EMC8: variants seen among roughly 807,000 people sequenced by gnomAD.
EMC8 encodes the protein ER membrane protein complex subunit 8, also known as COX4 neighbor.
A neutral mutation model predicts 24.3 loss-of-function variants in EMC8; 11 were observed. The ratio of observed to expected loss-of-function variants is 0.45; its 90% confidence interval spans 0.28 to 0.75. EMC8 has a LOEUF of 0.75. EMC8 is among the 30% of genes least tolerant of loss of function. The pLI, the probability that EMC8 is intolerant of heterozygous loss-of-function variation, is 0.12. For synonymous variants in EMC8, 145 were observed against 117.7 expected (o/e 1.23, Z -1.50); for missense variants, 277 against 282.7 (o/e 0.98, Z 0.14).
Position 85,779,692 on chromosome 16 carries a change from T to C in EMC8, c.*16A>G. 6.2e-7 allele frequency: 1 copy of C among 1,612,688 alleles called. No individual in the cohort carries two copies. Among genetic ancestry groups the C allele is most frequent in the South Asian group, 1.1e-5 (1 of 91,056 alleles). Reference sequence around the variant, plus strand: ...CGTAGTGGAAAGGCCCGGAGCCCAGTCACAGCGGTGCCTGCCTAGCACAAG... The same window carrying C: ...CGTAGTGGAAAGGCCCGGAGCCCAGCCACAGCGGTGCCTGCCTAGCACAAG... On this transcript the variant is annotated 3_prime_UTR_variant, in exon 5 of 5. Transcript: ENST00000253457.
At chr16:85,786,206 G>A (rs939171468) in intron 2 of EMC8, among the ~76,000 whole-genome samples, 4 of 152,216 alleles carry the variant, frequency 2.6e-5, no homozygotes, top group African/African-American at 9.7e-5. Context: ...GCCCAAGGAG[G>A]TTAATCAGTA....
chr16:85,798,549 G>A (rs1318899421), intron 1 of EMC8: 1 of 153,712 alleles, frequency 6.5e-6, no homozygotes, highest in African/African-American at 2.4e-5. Flanking sequence ...GGCCTAAGAT[G>A]CATCACACAG....
intron 1 of EMC8, among the ~76,000 whole-genome samples, chr16:85,791,845 C>T (rs1218066449): frequency 2.0e-5 from 3 of 152,186 alleles, no homozygotes; most frequent in Non-Finnish European, 4.4e-5. Flanking sequence ...ATGAGGCACA[C>T]CCAGGTAATC....
At chr16:85,783,645 G>A (rs191819401) in intron 2 of EMC8, among the ~76,000 whole-genome samples, 3 of 152,270 alleles carry the variant, frequency 2.0e-5, no homozygotes, top group Non-Finnish European at 2.9e-5. Flanking sequence ...GAGCTACCGT[G>A]TGCAGCCACA....
intron 1 of EMC8, among the ~76,000 whole-genome samples, chr16:85,790,092 T>A (rs1325648113): frequency 6.6e-6 from 1 of 151,970 alleles, no homozygotes; most frequent in Non-Finnish European, 1.5e-5. Context: ...GGAATTTGAA[T>A]ACACTGTAAT....
chr16:85,784,894 C>T (rs951265793), intron 2 of EMC8: 1 of 152,182 alleles, frequency 6.6e-6, no homozygotes, highest in Non-Finnish European at 1.5e-5. Flanking sequence ...AGGAAACACT[C>T]ATTAAAAAGA....
chr16:85,779,361 G>A lies in EMC8; in HGVS notation c.*347C>T. On this transcript the variant is annotated 3_prime_UTR_variant, in exon 5 of 5. Coordinates refer to ENST00000253457, the MANE Select transcript of EMC8 (RefSeq NM_006067.5). ...TTTTTTTTTTTTTTAAAAAAAGATA[G>A]TTCAAAAGCCTTAAAAAGTATTCTC... 6.3e-6 allele frequency: 1 copy of A among 159,640 alleles called. No individual in the cohort carries two copies. Among genetic ancestry groups the A allele is most frequent in the Non-Finnish European group, 1.3e-5 (1 of 74,490 alleles). The allele number at this position is 159,640 out of a possible 1,614,324, so 9.9% of individuals were successfully genotyped here.
chr16:85,798,114 G>GTTTTTTTTTTTT (rs1163747067), intron 1 of EMC8, among the ~76,000 whole-genome samples: 1 of 72,150 alleles, frequency 1.4e-5, no homozygotes, highest in Non-Finnish European at 2.4e-5. Flanking sequence ...ACAGAAATTC[G>GTTTTTTTTTTTT]TTTTTTTTTT....
intron 1 of EMC8, among the ~76,000 whole-genome samples, chr16:85,791,417 G>C (rs11644718): frequency 0.059 from 9,047 of 152,202 alleles, 410 homozygotes; most frequent in East Asian, 0.27. Flanking sequence ...CCGTCACCTA[G>C]GTTTTAAGCC....
intron 3 of EMC8, 34 bp from the exon 4 acceptor site, chr16:85,780,507 G>C (rs1357519098): frequency 1.9e-6 from 3 of 1,541,084 alleles, no homozygotes; most frequent in East Asian, 4.5e-5. Context: ...AGAGTGAACA[G>C]AATGCCAGCC....
chr16:85,779,822 C>A lies in EMC8; in HGVS notation c.519G>T (p.Ser173=). The A allele has an allele frequency of 1.2e-6, 2 of 1,614,046 alleles. No individual in the cohort carries two copies. The highest frequency in any genetic ancestry group is 1.7e-6 in the Non-Finnish European group (2 of 1,179,978). The part of the protein sequence containing the change: ...DWPEAQRISA[S]LLDSRSYETL... The stretch of plus-strand genomic sequence containing the variant: ...TCTCGTAGGACCGGCTGTCCAGGAG[C>A]GAGGCTGAGATCCTCTGTGCCTCTG... The change falls in exon 5 of 5, where the codon TCG becomes TCT. Residue 173 remains serine (S), a synonymous_variant. Coordinates refer to ENST00000253457, the MANE Select transcript of EMC8 (RefSeq NM_006067.5).
At chr16:85,786,650 G>T (rs77396600) in intron 2 of EMC8, among the ~76,000 whole-genome samples, 3,211 of 152,232 alleles carry the variant, frequency 0.021, 44 homozygotes, top group Non-Finnish European at 0.027. Flanking sequence ...TGGCTGCTCC[G>T]GATGCATTTA....
intron 2 of EMC8, among the ~76,000 whole-genome samples, chr16:85,788,397 A>G (rs996206063): frequency 6.6e-6 from 1 of 152,280 alleles, no homozygotes; most frequent in African/African-American, 2.4e-5. Context: ...CCCTCCTCAG[A>G]TTATCACCAC....
At chr16:85,782,880 C>A (rs1904573746) in intron 2 of EMC8, among the ~76,000 whole-genome samples, 1 of 152,192 alleles carries the variant, frequency 6.6e-6, no homozygotes, top group African/African-American at 2.4e-5. Context: ...CCTTTCTCTG[C>A]CCTCCTTTCC....
intron 2 of EMC8, among the ~76,000 whole-genome samples, chr16:85,782,189 G>A (rs988489370): frequency 6.6e-6 from 1 of 152,224 alleles, no homozygotes; most frequent in Non-Finnish European, 1.5e-5. Context: ...CTGCACGCTA[G>A]CAAAGCAGCT....
chr16:85,785,960 C>T (rs1015353856), intron 2 of EMC8, among the ~76,000 whole-genome samples: 6 of 152,120 alleles, frequency 3.9e-5, no homozygotes, highest in Non-Finnish European at 5.9e-5. Context: ...AAACACTGGC[C>T]AACAATGAAT....
rs745775942 is a variant in EMC8, at chr16:85,779,899, A to G, written c.474-32T>C. 4 of 1,608,890 alleles carry G rather than the reference A, an allele frequency of 2.5e-6. No homozygotes were observed. The Admixed American group carries it at 6.7e-5, about 27-fold the overall frequency. On this transcript the variant is annotated intron_variant, in intron 4 of 4. Coordinates refer to ENST00000253457, the MANE Select transcript of EMC8 (RefSeq NM_006067.5). Reference sequence around the variant, plus strand: ...GTCAAACATGAAGAAGTCAGCATCTAACAGTGAAAACGGGCGGCTTGTAAC... The same window carrying G: ...GTCAAACATGAAGAAGTCAGCATCTGACAGTGAAAACGGGCGGCTTGTAAC...
intron 1 of EMC8, among the ~76,000 whole-genome samples, chr16:85,790,047 C>G (rs1904933735): frequency 6.6e-6 from 1 of 152,004 alleles, no homozygotes; most frequent in African/African-American, 2.4e-5. Context: ...GGCCATTATT[C>G]AAAACAACAA....
intron 1 of EMC8, among the ~76,000 whole-genome samples, chr16:85,793,508 G>A (rs915723813): frequency 6.6e-6 from 1 of 152,136 alleles, no homozygotes; most frequent in Non-Finnish European, 1.5e-5. Context: ...AACTCAAAGG[G>A]GGAACCACAG....
Sources: gnomAD v4.1 joint callset for allele counts (sites outside exome capture counted in the v4.1 genomes callset) on GRCh38, gnomAD v4.1.1 for gene constraint, MANE v1.5 for transcripts, NCBI Gene and HGNC (gene_info 2026-07-23, HGNC 2026-07-21) for gene names.